The following SERINC5 variants were observed in gnomAD, a reference collection of about 807,000 sequenced individuals.
The protein encoded by SERINC5 is chromosome 5 open reading frame 12.
Under a neutral mutation model 63.1 loss-of-function variants are expected in SERINC5, and 41 were observed. The observed-to-expected ratio is 0.65, with a 90% confidence interval of 0.51 to 0.84. The LOEUF (loss-of-function observed/expected upper bound fraction) is 0.84, where lower values mean the gene tolerates loss of function less well. Ranked by LOEUF, SERINC5 falls within the 40% of genes least tolerant of loss-of-function variation. The pLI is 0.00. For synonymous variants in SERINC5, 222 were observed against 215.2 expected (o/e 1.03, Z -0.28); for missense variants, 523 against 573.0 (o/e 0.91, Z 0.89).
intron 8 of SERINC5, 80 bp from the exon 9 acceptor site, chr5:80,151,028 G>T: frequency 1.0e-6 from 1 of 996,380 alleles, no homozygotes. Flanking sequence ...CGGCTGGCCA[G>T]TGCTCCGACG....
chr5:80,250,723 T>C (rs1752373194), intron 1 of SERINC5, among the ~76,000 whole-genome samples: 1 of 152,242 alleles, frequency 6.6e-6, no homozygotes, highest in Non-Finnish European at 1.5e-5. Context: ...AGCTGCATTA[T>C]AGGGGCATCA....
chr5:80,235,148 G>T (rs910822348), intron 1 of SERINC5, among the ~76,000 whole-genome samples: 1 of 152,098 alleles, frequency 6.6e-6, no homozygotes, highest in Non-Finnish European at 1.5e-5. Context: ...GACTACTTTA[G>T]ACACTTCATA....
chr5:80,161,815 C>G (rs115035297), intron 7 of SERINC5, among the ~76,000 whole-genome samples: 1,902 of 152,242 alleles, frequency 0.012, 33 homozygotes, highest in African/African-American at 0.038. Flanking sequence ...AGGTTTTCTT[C>G]TAGCATTTTT....
At chr5:80,162,145 G>C (rs974559825) in intron 7 of SERINC5, among the ~76,000 whole-genome samples, 1 of 152,158 alleles carries the variant, frequency 6.6e-6, no homozygotes, top group South Asian at 2.1e-4. Flanking sequence ...CTCCAGCTTT[G>C]AAGTGTGATT....
At chr5:80,247,160 T>C (rs1436828806) in intron 1 of SERINC5, among the ~76,000 whole-genome samples, 1 of 152,206 alleles carries the variant, frequency 6.6e-6, no homozygotes, top group East Asian at 1.9e-4. Context: ...AGACTTCCTT[T>C]TTAACATCAA....
In SERINC5 at chr5:80,142,630, T is replaced by C. The variant is rs1745579245; in HGVS notation, c.*1033A>G. 1.0e-6 allele frequency: 1 copy of C among 985,296 alleles called. No homozygotes were observed. The highest frequency in any genetic ancestry group is 1.2e-6 in the Non-Finnish European group (1 of 829,944). The allele number at this position is 985,296 out of a possible 1,614,324, so 61.0% of individuals were successfully genotyped here. On this transcript the variant is annotated 3_prime_UTR_variant, in exon 12 of 12. Transcript: ENST00000507668. ...GATGCCAGCATGAACCTGAACGGTA[T>C]GGTCACGTTACAGATCCAGAACACA... is the stretch of plus-strand genomic sequence containing the variant.
chr5:80,214,983 A>T (rs6894717), intron 1 of SERINC5, among the ~76,000 whole-genome samples: 80,326 of 152,102 alleles, frequency 0.53, 21,878 homozygotes, highest in East Asian at 0.68. Flanking sequence ...GTAAAACTTT[A>T]TAGAGTTTAA....
chr5:80,171,221 C>T (rs1747633966), intron 5 of SERINC5, among the ~76,000 whole-genome samples: 1 of 152,008 alleles, frequency 6.6e-6, no homozygotes, highest in Admixed American at 6.6e-5. Flanking sequence ...CTTGGCCAGG[C>T]TGGTCTTGAA....
chr5:80,117,073 C>A (rs747207236), intron 11 of SERINC5, among the ~76,000 whole-genome samples: 1 of 151,992 alleles, frequency 6.6e-6, no homozygotes, highest in Non-Finnish European at 1.5e-5. Flanking sequence ...TCAGGCGATC[C>A]GCCCGCCTCA....
At chr5:80,168,160 A>T (rs1290281891) in intron 6 of SERINC5, among the ~76,000 whole-genome samples, 5 of 152,150 alleles carry the variant, frequency 3.3e-5, no homozygotes, top group Non-Finnish European at 1.5e-5. Context: ...AATGGTCTTA[A>T]AATTTTTAAT....
At chr5:80,191,681 G>GA (rs57246426) in intron 2 of SERINC5, among the ~76,000 whole-genome samples, 5,030 of 103,846 alleles carry the variant, frequency 0.048, 283 homozygotes, top group African/African-American at 0.15. Context: ...AAAAAAGAAA[G>GA]AAAAAAAAAA....
At chr5:80,241,971 TAA>T (rs895227492) in intron 1 of SERINC5, among the ~76,000 whole-genome samples, 1 of 139,644 alleles carries the variant, frequency 7.2e-6, no homozygotes, top group African/African-American at 2.6e-5. Context: ...AAAAGAGAAT[TAA>T]AAAAAAAAAA....
In SERINC5 at chr5:80,141,736, G is replaced by A. The variant is rs1745521953; in HGVS notation, c.*1927C>T. ...TAACTGATTCCTCAGGTTAGAACACGGCTTTTCATTTTGCGACTCCAGATG... is the reference window on the plus strand; with the variant it reads ...TAACTGATTCCTCAGGTTAGAACACAGCTTTTCATTTTGCGACTCCAGATG... On this transcript the variant is annotated 3_prime_UTR_variant, in exon 12 of 12. Transcript: ENST00000507668. The A allele has an allele frequency of 3.9e-5, 38 of 985,402 alleles. No homozygotes were observed. The highest frequency in any genetic ancestry group is 4.5e-5 in the Non-Finnish European group (37 of 829,928). 61.0% of individuals were successfully genotyped at this position (985,402 alleles called of 1,614,324 possible).
chr5:80,129,459 A>G (rs1744858990), intron 11 of SERINC5, among the ~76,000 whole-genome samples: 1 of 152,076 alleles, frequency 6.6e-6, no homozygotes, highest in South Asian at 2.1e-4. Flanking sequence ...GTGCATCACC[A>G]TGCCTGGATA....
rs1458892545 is a variant in SERINC5 at position 80,202,930 on chromosome 5, A to G, written c.151T>C (p.Cys51Arg). 6.2e-7 allele frequency: 1 copy of G among 1,613,046 alleles called. No homozygotes were observed. The highest frequency in any genetic ancestry group is 1.3e-5 in the African/African-American group (1 of 74,928). The change falls in exon 2 of 12, where the codon TGC becomes CGC. Residue 51 changes from cysteine to arginine, a missense_variant. Cys to Arg is a radical substitution (Grantham distance 180, BLOSUM62 -3). Transcript: ENST00000507668. Reference sequence around the variant, plus strand: ...GCCACGGTTGTTGACATCATGATGCAGCAGAGGACGACGACCAGAATGAAG... The same window carrying G: ...GCCACGGTTGTTGACATCATGATGCGGCAGAGGACGACGACCAGAATGAAG... Reference protein sequence around the residue: ...LYFILVVVLCCIMMSTTVAHK... With the variant: ...LYFILVVVLCRIMMSTTVAHK...
In SERINC5 at chr5:80,141,614, A is replaced by G; in HGVS notation, c.*2049T>C. ...TCCCCTCAGGGTGTTTCCTAAAGAC[A>G]ACCCCCAAGGCCCTAGGCCACTGCA... On this transcript the variant is annotated 3_prime_UTR_variant, in exon 12 of 12. Coordinates refer to ENST00000507668, the MANE Select transcript of SERINC5 (RefSeq NM_001174072.3). The G allele has an allele frequency of 1.0e-6, 1 of 985,538 alleles. No homozygotes were observed. Among genetic ancestry groups the G allele is most frequent in the Non-Finnish European group, 1.2e-6 (1 of 830,042 alleles). 61.0% of individuals were successfully genotyped at this position (985,538 alleles called of 1,614,324 possible).
At chr5:80,195,833 A>G (rs988224831) in intron 2 of SERINC5, among the ~76,000 whole-genome samples, 7 of 152,202 alleles carry the variant, frequency 4.6e-5, no homozygotes, top group Admixed American at 2.6e-4. Context: ...CACTGTATTC[A>G]CCTACAGTCA....
chr5:80,182,053 G>A (rs1407299748), intron 2 of SERINC5, among the ~76,000 whole-genome samples: 5 of 152,138 alleles, frequency 3.3e-5, no homozygotes, highest in Non-Finnish European at 7.3e-5. Flanking sequence ...GATTGTGTAC[G>A]GTTTGCAATA....
chr5:80,151,106 A>G (rs1248573832), intron 8 of SERINC5, among the ~76,000 whole-genome samples, 158 bp from the exon 9 acceptor site: 2 of 152,242 alleles, frequency 1.3e-5, no homozygotes, highest in Non-Finnish European at 2.9e-5. Context: ...ACCTCTCCTT[A>G]TTCCAAAATT....
Sources: allele counts gnomAD v4.1 joint callset (sites outside exome capture counted in the v4.1 genomes callset), GRCh38; gene constraint gnomAD v4.1.1; transcripts MANE v1.5; gene names NCBI Gene and HGNC (gene_info 2026-07-23, HGNC 2026-07-21).